The following WDR7 variants were observed in gnomAD, a reference collection of about 807,000 sequenced individuals.
WDR7 encodes the protein WD repeat-containing protein 7.
A neutral mutation model predicts 169.4 loss-of-function variants in WDR7; 46 were observed. That is an observed-to-expected ratio of 0.27 (90% CI 0.21 to 0.35). The LOEUF is 0.35. WDR7 is among the 10% of genes least tolerant of loss of function. WDR7 has a pLI of 1.00. For missense variants in WDR7, 1,534 were observed against 1,859.3 expected (o/e 0.83, Z 3.22); for synonymous variants, 612 against 666.8 (o/e 0.92, Z 1.27).
At chr18:57,005,759 G>T (rs1252337499) in intron 26 of WDR7, among the ~76,000 whole-genome samples, 1 of 152,090 alleles carries the variant, frequency 6.6e-6, no homozygotes, top group African/African-American at 2.4e-5. Context: ...GGAAGAAGAA[G>T]AATTGTCTTG....
intron 20 of WDR7, among the ~76,000 whole-genome samples, chr18:56,829,515 A>T (rs1311890674): frequency 6.6e-6 from 1 of 152,176 alleles, no homozygotes; most frequent in Non-Finnish European, 1.5e-5. Flanking sequence ...GGTAGGCTTG[A>T]TTTCTGCTCC....
chr18:56,841,576 A>G (rs2045487552), intron 20 of WDR7, among the ~76,000 whole-genome samples: 1 of 151,542 alleles, frequency 6.6e-6, no homozygotes, highest in Non-Finnish European at 1.5e-5. Context: ...AACAATGGGG[A>G]TGTTTTGTCA....
chr18:56,787,543 G>A (rs1186123050), intron 19 of WDR7, among the ~76,000 whole-genome samples: 1 of 152,144 alleles, frequency 6.6e-6, no homozygotes, highest in East Asian at 1.9e-4. Flanking sequence ...ACAATCCTTT[G>A]TTCTTATCGA....
intron 19 of WDR7, among the ~76,000 whole-genome samples, chr18:56,808,512 A>G (rs922475561): frequency 1.3e-5 from 2 of 152,188 alleles, no homozygotes; most frequent in African/African-American, 2.4e-5. Flanking sequence ...TATCACTACC[A>G]TCTAATCTTC....
chr18:56,839,295 C>T (rs1259408878), intron 20 of WDR7, among the ~76,000 whole-genome samples: 1 of 152,086 alleles, frequency 6.6e-6, no homozygotes, highest in East Asian at 1.9e-4. Context: ...AATGGACGCC[C>T]ATTTACTAGT....
At position 56,878,348 on chromosome 18, in the gene WDR7, G is replaced by A. The variant is rs960285860; in HGVS notation, c.3305-1596G>A. ...TAATCATCCTTCTCCTCCTCGTATG[G>A]CCCATCCCTCTTATTGCCTGGAAAA... is the stretch of plus-strand genomic sequence containing the variant. On this transcript the variant is annotated intron_variant, in intron 20 of 27. Transcript: ENST00000254442. Among the ~76,000 whole-genome samples the A allele has an allele frequency of 2.6e-5, 4 of 151,944 alleles. No homozygotes were observed. The East Asian group carries it at 5.8e-4, about 22-fold the overall frequency.
chr18:56,936,884 C>T (rs935141379), intron 23 of WDR7, among the ~76,000 whole-genome samples: 6 of 152,002 alleles, frequency 3.9e-5, no homozygotes, highest in African/African-American at 9.7e-5. Context: ...ATTTAAAATG[C>T]ACATATGTAT....
intron 19 of WDR7, among the ~76,000 whole-genome samples, chr18:56,797,626 C>A (rs575310974): frequency 1.2e-4 from 19 of 152,072 alleles, no homozygotes; most frequent in African/African-American, 4.6e-4. Context: ...ATTCTGATTT[C>A]AATTCTTTAT....
At chr18:56,860,687 C>T (rs1352121552) in intron 20 of WDR7, among the ~76,000 whole-genome samples, 1 of 151,044 alleles carries the variant, frequency 6.6e-6, no homozygotes, top group African/African-American at 2.5e-5. Context: ...TTTCTTAAGC[C>T]TTAATCTTAG....
chr18:56,711,683 A>G (rs1432766481), intron 12 of WDR7, among the ~76,000 whole-genome samples: 1 of 152,174 alleles, frequency 6.6e-6, no homozygotes, highest in African/African-American at 2.4e-5. Context: ...ACATGTATTA[A>G]ATAAACAGTC....
intron 19 of WDR7, among the ~76,000 whole-genome samples, chr18:56,801,767 G>T (rs1024497812): frequency 6.6e-6 from 1 of 152,060 alleles, no homozygotes; most frequent in African/African-American, 2.4e-5. Context: ...TCATGTTATT[G>T]CAGGAATCAA....
intron 25 of WDR7, among the ~76,000 whole-genome samples, chr18:56,960,414 A>G (rs2047323003): frequency 6.6e-6 from 1 of 152,180 alleles, no homozygotes; most frequent in South Asian, 2.1e-4. Flanking sequence ...TCAGTTTTGC[A>G]AAAGGATGTT....
intron 19 of WDR7, among the ~76,000 whole-genome samples, chr18:56,797,242 C>A (rs577095429): frequency 6.6e-6 from 1 of 152,102 alleles, no homozygotes; most frequent in African/African-American, 2.4e-5. Flanking sequence ...TTCTTCTAAT[C>A]TTGTGGATGT....
chr18:56,961,505 G>A (rs1172684448), intron 25 of WDR7, among the ~76,000 whole-genome samples: 1 of 151,898 alleles, frequency 6.6e-6, no homozygotes, highest in Non-Finnish European at 1.5e-5. Context: ...GAGACAATAG[G>A]ACTAGATAAT....
chr18:56,816,024 G>C lies in WDR7; in HGVS notation c.3191-7G>C, dbSNP rs753211755. 1 of 1,577,020 alleles carries C rather than the reference G, an allele frequency of 6.3e-7. No individual in the cohort carries two copies. The highest frequency in any genetic ancestry group is 8.6e-7 in the Non-Finnish European group (1 of 1,167,034). ...AAGTGAAGCCTTGTGATTCATATTT[G>C]TTTTAGCTGGAGTCACATCAGAAGC... On this transcript the variant is annotated splice_polypyrimidine_tract_variant and splice_region_variant and intron_variant, in intron 19 of 27. Transcript: ENST00000254442.
At chr18:56,871,258 A>T (rs956939877) in intron 20 of WDR7, among the ~76,000 whole-genome samples, 1 of 152,180 alleles carries the variant, frequency 6.6e-6, no homozygotes, top group Non-Finnish European at 1.5e-5. Context: ...TTGCTCTTTA[A>T]TAATTAATCA....
chr18:56,689,563 A>G (rs1204139633), intron 7 of WDR7, among the ~76,000 whole-genome samples: 3 of 152,178 alleles, frequency 2.0e-5, no homozygotes, highest in Non-Finnish European at 4.4e-5. Flanking sequence ...CCTGGCCTAT[A>G]TGGTTTTGTC....
intron 26 of WDR7, among the ~76,000 whole-genome samples, chr18:56,963,836 A>G (rs755042971): frequency 2.0e-5 from 3 of 152,142 alleles, no homozygotes; most frequent in East Asian, 3.8e-4. Context: ...TTCTTCAGAT[A>G]GCATTTTCAG....
rs1481848580 is a variant in WDR7, at chr18:57,029,576, A to G, written c.*2369A>G. ...ACTGTATTTGGACCTGTCCTTGTAT[A>G]TGTAGAGACATATGTGGCTTCATTG... On this transcript the variant is annotated 3_prime_UTR_variant, in exon 28 of 28. Coordinates refer to ENST00000254442, the MANE Select transcript of WDR7 (RefSeq NM_015285.3). 1.3e-5 allele frequency: 2 copies of G among 151,968 alleles called. No individual in the cohort carries two copies. Among genetic ancestry groups the G allele is most frequent in the African/African-American group, 4.8e-5 (2 of 41,368 alleles). 9.4% of individuals were successfully genotyped at this position (151,968 alleles called of 1,614,324 possible).
Sources: gnomAD v4.1 joint callset for allele counts (sites outside exome capture counted in the v4.1 genomes callset) on GRCh38, gnomAD v4.1.1 for gene constraint, MANE v1.5 for transcripts, NCBI Gene and HGNC (gene_info 2026-07-23, HGNC 2026-07-21) for gene names.